Variants in TIAM2 observed in about 807,000 individuals in gnomAD.
The protein encoded by TIAM2 is TIAM Rac1 associated GEF 2, also known as rho guanine nucleotide exchange factor TIAM2.
A neutral mutation model predicts 152.9 loss-of-function variants in TIAM2; 80 were observed. The ratio of observed to expected loss-of-function variants is 0.52; its 90% CI spans 0.44 to 0.63. TIAM2 has a LOEUF of 0.63. TIAM2 is among the 30% of genes least tolerant of loss of function. The pLI is 0.00. For synonymous variants in TIAM2, 804 were observed against 838.0 expected (o/e 0.96, Z 0.70); for missense variants, 1,965 against 2,120.1 (o/e 0.93, Z 1.44).
chr6:155,084,779 A>G (rs533294198), intron 1 of TIAM2, among the ~76,000 whole-genome samples: 36 of 152,290 alleles, frequency 2.4e-4, no homozygotes, highest in African/African-American at 3.8e-4. Context: ...CTCCCATTCT[A>G]TAGTCTACTG....
At chr6:155,071,712 T>C (rs1206876215) in intron 1 of TIAM2, among the ~76,000 whole-genome samples, 1 of 152,066 alleles carries the variant, frequency 6.6e-6, no homozygotes. Context: ...CTGGCCAACA[T>C]GGTGAAACCC....
Position 155,126,434 on chromosome 6 carries a change from A to T in TIAM2, c.-117-1056A>T, listed in dbSNP as rs1239914802. On this transcript the variant is annotated intron_variant, in intron 2 of 26. Transcript: ENST00000682666. ...GTACTTACTGCTGCCCTGTACATTT[A>T]AAAATGGGTAAGATGGGCCAGGCGC... Among the ~76,000 whole-genome samples, 5 of 152,172 alleles carry T rather than the reference A, an allele frequency of 3.3e-5. 1 individual carries two copies. The South Asian group carries it at 8.3e-4, about 25-fold the overall frequency.
At chr6:155,115,331 C>T (rs367987215) in intron 2 of TIAM2, among the ~76,000 whole-genome samples, 12 of 152,030 alleles carry the variant, frequency 7.9e-5, no homozygotes, top group African/African-American at 1.2e-4. Context: ...CAAAGTGCTC[C>T]GAATACAGGC....
rs1045992207 is a variant in TIAM2, at chr6:155,214,277, C to T, written c.3168+2970C>T. ...GCAGTGACTGTTCCAGATGGGCCAC[C>T]GCTGCCATCAAGACCACCAGGAGCC... On this transcript the variant is annotated intron_variant, in intron 15 of 26. Coordinates refer to ENST00000682666, the MANE Select transcript of TIAM2 (RefSeq NM_012454.4). The surrounding 1 kb of genome is among the most constrained non-coding windows in gnomAD (Gnocchi z 5.4). Among the ~76,000 whole-genome samples, 3 of 152,220 alleles carry T rather than the reference C, an allele frequency of 2.0e-5. No individual in the cohort carries two copies. Among genetic ancestry groups the T allele is most frequent in the Admixed American group, 6.5e-5 (1 of 15,288 alleles).
chr6:155,127,432 T>C (rs1282459450), intron 2 of TIAM2, 58 bp from the exon 3 acceptor site: 12 of 388,076 alleles, frequency 3.1e-5, no homozygotes, highest in Non-Finnish European at 5.6e-5. Context: ...TCCTTTTGAC[T>C]TTGTGGGAGC....
chr6:155,016,020 C>T (rs1778573573), intron 1 of TIAM2, among the ~76,000 whole-genome samples: 1 of 146,040 alleles, frequency 6.8e-6, no homozygotes, highest in Non-Finnish European at 1.5e-5. Flanking sequence ...TCAAGACTGG[C>T]AAAAATTTTA....
At position 155,156,362 on chromosome 6, in the gene TIAM2, A is replaced by T. The variant is rs1780113718; in HGVS notation, c.2028+8028A>T. Among the ~76,000 whole-genome samples, 1 of 152,124 alleles carries T rather than the reference A, an allele frequency of 6.6e-6. No individual in the cohort carries two copies. Among genetic ancestry groups the T allele is most frequent in the African/African-American group, 2.4e-5 (1 of 41,434 alleles). On this transcript the variant is annotated intron_variant, in intron 7 of 26. Transcript: ENST00000682666. This position sits in a 1 kb window ranked among gnomAD's most constrained non-coding sequence, Gnocchi z 4.4. Reference sequence around the variant, plus strand: ...ACAGCCAGACTGGGTTGCATCGGAAAAGCACATCTGGGTCAGGTGCAGTGG... The same window carrying T: ...ACAGCCAGACTGGGTTGCATCGGAATAGCACATCTGGGTCAGGTGCAGTGG...
At chr6:155,070,650 A>T (rs534322326) in intron 1 of TIAM2, among the ~76,000 whole-genome samples, 17 of 152,250 alleles carry the variant, frequency 1.1e-4, no homozygotes, top group African/African-American at 4.1e-4. Context: ...TTCCTCAGGA[A>T]TTTTCCTTAT....
chr6:155,151,196 G>C (rs1401278516), intron 7 of TIAM2, among the ~76,000 whole-genome samples: 1 of 152,200 alleles, frequency 6.6e-6, no homozygotes, highest in Non-Finnish European at 1.5e-5. Flanking sequence ...TCACGAGTCT[G>C]TGTCTCAGCA....
intron 14 of TIAM2, among the ~76,000 whole-genome samples, chr6:155,205,678 T>G (rs935871433): frequency 5.3e-5 from 8 of 152,172 alleles, no homozygotes; most frequent in African/African-American, 1.4e-4. Flanking sequence ...AGAGTCAGGC[T>G]TCCTTAGGAT....
chr6:155,147,212 G>A (rs893882430), intron 6 of TIAM2, among the ~76,000 whole-genome samples: 1 of 137,296 alleles, frequency 7.3e-6, no homozygotes, highest in Non-Finnish European at 1.5e-5. Context: ...TACTGTAGAT[G>A]TAATTTTATA....
At chr6:155,101,520 T>C (rs1458759966) in intron 2 of TIAM2, among the ~76,000 whole-genome samples, 1 of 152,238 alleles carries the variant, frequency 6.6e-6, no homozygotes, top group African/African-American at 2.4e-5. Context: ...ATGATTGTTA[T>C]TCTTTTATTT....
At chr6:155,007,944 T>C (rs1778426507) in intron 1 of TIAM2, among the ~76,000 whole-genome samples, 1 of 152,212 alleles carries the variant, frequency 6.6e-6, no homozygotes, top group African/African-American at 2.4e-5. Flanking sequence ...TTTGATAGCT[T>C]GATAAATCAC....
rs925607168 is a variant in TIAM2, at chr6:155,254,313, C to G, written c.4314-106C>G. 8.2e-6 allele frequency: 12 copies of G among 1,454,702 alleles called. No homozygotes were observed. The African/African-American group carries it at 1.7e-4, about 20-fold the overall frequency. The allele number at this position is 1,454,702 out of a possible 1,614,324, so 90.1% of individuals were successfully genotyped here. On this transcript the variant is annotated intron_variant, in intron 25 of 26. Coordinates refer to ENST00000682666, the MANE Select transcript of TIAM2 (RefSeq NM_012454.4). The stretch of plus-strand genomic sequence containing the variant: ...GCACTGCTGCTGGGTGGCTGGCTGG[C>G]AGCCTGGTCCAGCAGGTGCAAGGCA...
intron 1 of TIAM2, among the ~76,000 whole-genome samples, chr6:155,071,405 C>T (rs181046207): frequency 2.0e-3 from 300 of 152,272 alleles, no homozygotes; most frequent in African/African-American, 6.9e-3. Context: ...TATGCCAGAA[C>T]TTGTATTTGT....
intron 1 of TIAM2, among the ~76,000 whole-genome samples, chr6:155,081,264 C>T (rs1048539788): frequency 2.6e-5 from 4 of 152,074 alleles, no homozygotes; most frequent in South Asian, 2.1e-4. Context: ...TCCATCTGCT[C>T]GTGCATCTGT....
intron 1 of TIAM2, among the ~76,000 whole-genome samples, chr6:155,068,206 CGT>C (rs1491580334): frequency 6.6e-6 from 1 of 152,162 alleles, no homozygotes; most frequent in Non-Finnish European, 1.5e-5. Context: ...TCACATTTGG[CGT>C]GTGTGTCTCC....
At chr6:155,147,281 G>A (rs189686354) in intron 6 of TIAM2, among the ~76,000 whole-genome samples, 13 of 149,546 alleles carry the variant, frequency 8.7e-5, no homozygotes, top group East Asian at 3.9e-4. Context: ...TTAAAATTCC[G>A]AAGACAAGTA....
At chr6:155,245,757 T>TTA (rs763798902) in intron 19 of TIAM2, 26 bp downstream of exon 19, 1 of 1,403,642 alleles carries the variant, frequency 7.1e-7, no homozygotes, top group African/African-American at 1.5e-5. Context: ...CTTTTATAGT[T>TTA]TTTTTTTTTT....
Sources: gnomAD v4.1 joint callset for allele counts (sites outside exome capture counted in the v4.1 genomes callset) on GRCh38, gnomAD v4.1.1 for gene constraint, Gnocchi (gnomAD v3.1) non-coding constraint, MANE v1.5 for transcripts, NCBI Gene and HGNC (gene_info 2026-07-23, HGNC 2026-07-21) for gene names.